Variants in TBC1D1 observed in about 807,000 individuals in gnomAD.
TBC1D1 encodes TBC1 (tre-2/USP6, BUB2, cdc16) domain family, member 1.
TBC1D1 carries 89 observed loss-of-function variants against 125.6 expected under a neutral mutation model. The observed-to-expected ratio is 0.71, with a 90% CI of 0.60 to 0.85. The LOEUF (loss-of-function observed/expected upper bound fraction) is 0.85. Ranked by LOEUF, TBC1D1 falls within the 40% of genes least tolerant of loss-of-function variation. The pLI, the probability that TBC1D1 is intolerant of heterozygous loss-of-function variation, is 0.00. For missense variants in TBC1D1, 1,377 were observed against 1,469.2 expected (o/e 0.94, Z 1.03); for synonymous variants, 565 against 564.1 (o/e 1.00, Z -0.02).
intron 12 of TBC1D1, among the ~76,000 whole-genome samples, chr4:38,087,397 T>C (rs1021369313): frequency 1.3e-5 from 2 of 152,188 alleles, no homozygotes; most frequent in Non-Finnish European, 2.9e-5. Context: ...TGGCCTGAGT[T>C]ACACCTGCTC....
In TBC1D1 at chr4:38,118,035, C is replaced by A; in HGVS notation, c.2805C>A (p.Ile935=). Reference sequence around the variant, plus strand: ...CCCTTGTGGCTGTCTTCCTGCAGATCCAGATGTACCAGCTCTCGAGGTTGC... The same window carrying A: ...CCCTTGTGGCTGTCTTCCTGCAGATACAGATGTACCAGCTCTCGAGGTTGC... Residue 935 remains isoleucine, a splice_region_variant and synonymous_variant, in exon 17 of 20, where the codon ATC becomes ATA. Transcript: ENST00000261439. 6.2e-7 allele frequency: 1 copy of A among 1,613,920 alleles called. No individual in the cohort carries two copies. The highest frequency in any genetic ancestry group is 8.5e-7 in the Non-Finnish European group (1 of 1,179,924).
intron 10 of TBC1D1, among the ~76,000 whole-genome samples, chr4:38,046,208 A>C (rs972830653): frequency 1.3e-5 from 2 of 152,094 alleles, no homozygotes; most frequent in East Asian, 3.9e-4. Context: ...TACTAAAAAT[A>C]CAAAAAATTA....
At chr4:38,116,025 C>A in intron 16 of TBC1D1, 71 bp downstream of exon 18, 1 of 1,541,726 alleles carries the variant, frequency 6.5e-7, no homozygotes, top group Non-Finnish European at 8.8e-7. Flanking sequence ...TCCAGATGTG[C>A]CTCAGGAGCT....
In TBC1D1 at chr4:37,995,832, TG is replaced by T; in HGVS notation, c.418-18676del. 1.8e-6 allele frequency: 1 copy of T among 564,526 alleles called. No homozygotes were observed. The highest frequency in any genetic ancestry group is 1.9e-5 in the Admixed American group (1 of 52,530). 35.0% of individuals were successfully genotyped at this position (564,526 alleles called of 1,614,324 possible). On this transcript the variant is annotated intron_variant, in intron 2 of 19. Coordinates refer to ENST00000261439, the MANE Select transcript of TBC1D1 (RefSeq NM_015173.4). This position sits in a 1 kb window ranked among gnomAD's most constrained non-coding sequence, Gnocchi z 4.3. ...TGCATCCTCAGTCTTGGGGATCAGG[TG>T]CTGGATCCATGTGATCACCAGAATG... is the stretch of plus-strand genomic sequence containing the variant.
At chr4:37,938,439 A>G (rs1724846366) in intron 2 of TBC1D1, among the ~76,000 whole-genome samples, 2 of 152,192 alleles carry the variant, frequency 1.3e-5, no homozygotes, top group African/African-American at 4.8e-5. Context: ...GACAGTGCAA[A>G]CATAAGACAC....
At chr4:37,937,118 G>C (rs1378146835) in intron 2 of TBC1D1, among the ~76,000 whole-genome samples, 1 of 152,198 alleles carries the variant, frequency 6.6e-6, no homozygotes, top group Non-Finnish European at 1.5e-5. Context: ...AGACACTGCT[G>C]TCCCTGGCAC....
chr4:38,053,752 T>A (rs1459042731), intron 11 of TBC1D1, among the ~76,000 whole-genome samples: 2 of 152,384 alleles, frequency 1.3e-5, no homozygotes, highest in African/African-American at 4.8e-5. Context: ...TGGTTCTGTG[T>A]AATTAAATTG....
chr4:38,052,708 ACACACGCGCGCGCGCGCGCG>A (rs879282656), intron 11 of TBC1D1, among the ~76,000 whole-genome samples: 166 of 91,378 alleles, frequency 1.8e-3, no homozygotes, highest in African/African-American at 5.7e-3. Flanking sequence ...GTATATACAC[ACACACGCGCGCGCGCGCGCG>A]CACACACACA....
At chr4:37,924,762 T>C (rs1250374712) in intron 2 of TBC1D1, among the ~76,000 whole-genome samples, 1 of 152,236 alleles carries the variant, frequency 6.6e-6, no homozygotes, top group African/African-American at 2.4e-5. Context: ...ATTTTGCTTA[T>C]CCATGTATCT....
intron 17 of TBC1D1, among the ~76,000 whole-genome samples, chr4:38,121,725 A>C (rs1327463687): frequency 1.3e-5 from 2 of 151,900 alleles, no homozygotes; most frequent in East Asian, 3.9e-4. Flanking sequence ...TTTTGTTTTA[A>C]AAAATTCCAG....
chr4:38,038,948 G>GAA (rs565226039), intron 8 of TBC1D1, among the ~76,000 whole-genome samples: 5 of 137,854 alleles, frequency 3.6e-5, no homozygotes, highest in African/African-American at 1.4e-4. Context: ...TCCCTCTCGG[G>GAA]AAAAAAAAAA....
chr4:37,900,248 A>T (rs1246807659), intron 1 of TBC1D1, among the ~76,000 whole-genome samples: 1 of 152,168 alleles, frequency 6.6e-6, no homozygotes, highest in East Asian at 1.9e-4. Context: ...GACCTCGGCA[A>T]CTTTAACAGA....
intron 12 of TBC1D1, among the ~76,000 whole-genome samples, chr4:38,074,348 G>T (rs1278780031): frequency 2.0e-5 from 3 of 152,152 alleles, no homozygotes; most frequent in African/African-American, 7.2e-5. Flanking sequence ...CCAACACAAG[G>T]TTAAACAACA....
At chr4:37,968,616 C>T (rs1731482382) in intron 2 of TBC1D1, among the ~76,000 whole-genome samples, 1 of 152,220 alleles carries the variant, frequency 6.6e-6, no homozygotes, top group Non-Finnish European at 1.5e-5. Context: ...TCTTCTACTT[C>T]TCCTCTACAT....
At chr4:38,107,579 T>TTTTTG (rs1553939891) in intron 15 of TBC1D1, among the ~76,000 whole-genome samples, 2 of 137,768 alleles carry the variant, frequency 1.5e-5, no homozygotes, top group African/African-American at 5.3e-5. Context: ...CTAAACAGGT[T>TTTTTG]TTTTTTTTTT....
intron 2 of TBC1D1, among the ~76,000 whole-genome samples, chr4:37,985,867 A>T (rs965236228): frequency 1.3e-5 from 2 of 152,188 alleles, no homozygotes; most frequent in Non-Finnish European, 2.9e-5. Flanking sequence ...TTTGGAGGAG[A>T]CTAGAAGATG....
chr4:37,985,393 CAG>C (rs1735243965), intron 2 of TBC1D1, among the ~76,000 whole-genome samples: 2 of 152,122 alleles, frequency 1.3e-5, no homozygotes, highest in Admixed American at 1.3e-4. Flanking sequence ...AAAAAGCTGA[CAG>C]AAAAATTACC....
At chr4:38,010,719 T>C (rs573830416) in intron 2 of TBC1D1, among the ~76,000 whole-genome samples, 2 of 152,348 alleles carry the variant, frequency 1.3e-5, no homozygotes, top group African/African-American at 4.8e-5. Context: ...CTGTTAGTCC[T>C]GTCTTCCAGA....
intron 2 of TBC1D1, among the ~76,000 whole-genome samples, chr4:37,969,301 A>T (rs1347096804): frequency 1.3e-5 from 2 of 152,206 alleles, no homozygotes; most frequent in Non-Finnish European, 2.9e-5. Flanking sequence ...TCTACAGCCA[A>T]AATTTGCTGT....
Sources: gnomAD v4.1 joint callset for allele counts (sites outside exome capture counted in the v4.1 genomes callset) on GRCh38, gnomAD v4.1.1 for gene constraint, Gnocchi (gnomAD v3.1) non-coding constraint, MANE v1.5 for transcripts, NCBI Gene and HGNC (gene_info 2026-07-23, HGNC 2026-07-21) for gene names.